The following C6 variants were observed in gnomAD, a reference collection of about 807,000 sequenced individuals.
C6 encodes the protein complement component C6.
In C6, 101 loss-of-function variants were observed where a neutral mutation model predicts 112.9. The observed-to-expected ratio is 0.89, with a 90% CI of 0.76 to 1.06. The LOEUF is 1.06. Among genes scored for constraint, C6 ranks in the 50% least tolerant of loss-of-function variants. The pLI, the probability that C6 is intolerant of heterozygous loss-of-function variation, is 0.00. For synonymous variants in C6, 431 were observed against 384.1 expected (o/e 1.12, Z -1.43); for missense variants, 1,202 against 1,104.6 (o/e 1.09, Z -1.25).
chr5:41,151,558 T>C (rs1408873302), intron 15 of C6, among the ~76,000 whole-genome samples: 1 of 152,246 alleles, frequency 6.6e-6, no homozygotes, highest in Non-Finnish European at 1.5e-5. Flanking sequence ...TATTCATGTC[T>C]AAATCTCAGT....
upstream of C6, among the ~76,000 whole-genome samples, chr5:41,214,431 A>G (rs1321708640): frequency 6.6e-6 from 1 of 152,132 alleles, no homozygotes; most frequent in Non-Finnish European, 1.5e-5. Flanking sequence ...AGTTTAATAT[A>G]CATGGTAGTA....
At chr5:41,198,274 G>C (rs1750755721) in intron 4 of C6, among the ~76,000 whole-genome samples, 2 of 152,140 alleles carry the variant, frequency 1.3e-5, no homozygotes, top group Admixed American at 6.6e-5. Context: ...GTATCATCTT[G>C]AGTCAGAAAA....
chr5:41,143,441 CCTTT>C (rs1475750554), intron 17 of C6, among the ~76,000 whole-genome samples: 1 of 152,184 alleles, frequency 6.6e-6, no homozygotes, highest in African/African-American at 2.4e-5. Flanking sequence ...TTCAGCCTGT[CCTTT>C]CTGTTTTATT....
intron 5 of C6, among the ~76,000 whole-genome samples, chr5:41,190,841 C>T (rs1448615237): frequency 6.6e-6 from 1 of 152,010 alleles, no homozygotes; most frequent in South Asian, 2.1e-4. Flanking sequence ...TTTTCCAGCA[C>T]CATTAATTAA....
At chr5:41,153,012 T>C (rs183192847) in intron 15 of C6, 31 of 152,410 alleles carry the variant, frequency 2.0e-4, no homozygotes, top group African/African-American at 7.5e-4. Flanking sequence ...GAGGATCCTC[T>C]GAAGGGCTAA....
Position 41,181,465 on chromosome 5 carries a change from T to A in C6, c.821A>T (p.Gln274Leu), listed in dbSNP as rs199795699. 1 of 1,612,820 alleles carries A rather than the reference T, an allele frequency of 6.2e-7. No homozygotes were observed. Among genetic ancestry groups the A allele is most frequent in the South Asian group, 1.1e-5 (1 of 91,038 alleles). Residue 274 changes from glutamine to leucine, a missense_variant, in exon 7 of 18, where the codon CAG becomes CTG. By Grantham distance (113) the Gln-to-Leu change is moderately radical. Transcript: ENST00000337836. Reference sequence around the variant, plus strand: ...TGGTACACTGAAAGAGCTCCCCCCCTGACTTGAGAATGAGCCTTGTTGATT... The same window carrying A: ...TGGTACACTGAAAGAGCTCCCCCCCAGACTTGAGAATGAGCCTTGTTGATT... ...NENQQGSFSS[Q>L]GGSSFSVPIF...
chr5:41,200,870 TTTGTTG>T lies in C6; in HGVS notation c.300+682_300+687del, dbSNP rs199637102. Among the ~76,000 whole-genome samples the T allele has an allele frequency of 7.0e-3, 909 of 129,758 alleles. 20 individuals carry two copies. Among genetic ancestry groups the T allele is most frequent in the African/African-American group, 0.028 (877 of 31,046 alleles). The allele number at this position is 129,758 out of a possible 152,430, so 85.1% of individuals were successfully genotyped here. ...TAAAATCTTGGACTGAAACCCTGTTTTTGTTGTTGTTGTTGTTGTTGTTTTTTTTTT... is the reference window on the plus strand; with the variant it reads ...TAAAATCTTGGACTGAAACCCTGTTTTTGTTGTTGTTGTTGTTTTTTTTTT... On this transcript the variant is annotated intron_variant, in intron 3 of 17. Transcript: ENST00000337836.
chr5:41,149,849 T>C lies in C6; in HGVS notation c.2381+86A>G, dbSNP rs933988681. ...AAATTCATTTATTTCATGTCTGTGC[T>C]TCAAAAAGCTCAGCTCTTCCATCAA... On this transcript the variant is annotated intron_variant, in intron 16 of 17. Transcript: ENST00000337836. The C allele has an allele frequency of 9.0e-6, 8 of 892,592 alleles. No homozygotes were observed. The African/African-American group carries it at 1.3e-4, about 15-fold the overall frequency. The allele number at this position is 892,592 out of a possible 1,614,324, so 55.3% of individuals were successfully genotyped here.
Position 41,160,275 on chromosome 5 carries a change from C to A in C6, c.1551G>T (p.Lys517Asn). 2 of 1,613,902 alleles carry A rather than the reference C, an allele frequency of 1.2e-6. No homozygotes were observed. The highest frequency in any genetic ancestry group is 1.7e-6 in the Non-Finnish European group (2 of 1,179,850). Residue 517 changes from lysine (K) to asparagine (N), a missense_variant, in exon 11 of 18, where the codon AAG (lysine) becomes AAT (asparagine). Coordinates refer to ENST00000337836, the MANE Select transcript of C6 (RefSeq NM_000065.5). ...ATGGAGCACACTGGCAAGGATCGAA[C>A]TTGGCTGCATACTCTTGCAAAGCTT... ...LRKALQEYAA[K>N]FDPCQCAPCP... is the part of the protein sequence containing the mutation.
At chr5:41,158,398 C>G (rs1436476491) in intron 13 of C6, among the ~76,000 whole-genome samples, 1 of 152,152 alleles carries the variant, frequency 6.6e-6, no homozygotes, top group Non-Finnish European at 1.5e-5. Flanking sequence ...CTTGCAAATT[C>G]TCACAAGTCA....
chr5:41,166,514 C>A (rs576714979), intron 9 of C6, among the ~76,000 whole-genome samples: 1 of 152,160 alleles, frequency 6.6e-6, no homozygotes, highest in Non-Finnish European at 1.5e-5. Context: ...GTTAATTACC[C>A]ATTCATTTAT....
intron 10 of C6, among the ~76,000 whole-genome samples, chr5:41,161,419 A>C (rs3805717): frequency 0.86 from 131,501 of 152,132 alleles, 56,945 homozygotes; most frequent in Admixed American, 0.9. Context: ...CTACTCAAGG[A>C]AAGTTTGAGC....
At chr5:41,216,871 C>T (rs1481786881), upstream of C6, among the ~76,000 whole-genome samples, 2 of 152,238 alleles carry the variant, frequency 1.3e-5, no homozygotes, top group East Asian at 3.9e-4. Flanking sequence ...TTCAAAATCT[C>T]AGTGTTATTC....
At chr5:41,233,639 T>G (rs76348831) in intron 1 of C6, among the ~76,000 whole-genome samples, 3 of 152,030 alleles carry the variant, frequency 2.0e-5, no homozygotes, top group African/African-American at 7.2e-5. Context: ...CATTTGTAGA[T>G]TTGTAATAAG....
intron 5 of C6, among the ~76,000 whole-genome samples, chr5:41,193,795 ATTTT>A (rs11460725): frequency 2.2e-5 from 3 of 137,394 alleles, no homozygotes; most frequent in Admixed American, 7.3e-5. Context: ...TCAGGAAGCT[ATTTT>A]TTTTTTTTTT....
chr5:41,213,779 A>T (rs1012158027), upstream of C6, among the ~76,000 whole-genome samples: 6 of 152,172 alleles, frequency 3.9e-5, no homozygotes, highest in Admixed American at 3.9e-4. Context: ...AGGAATGTAT[A>T]GATTCTTAGT....
intron 9 of C6, among the ~76,000 whole-genome samples, chr5:41,166,641 G>A (rs1035473819): frequency 2.6e-5 from 4 of 152,094 alleles, no homozygotes; most frequent in Non-Finnish European, 5.9e-5. Flanking sequence ...TTTGCATACT[G>A]TGGAGGAAAT....
intron 7 of C6, among the ~76,000 whole-genome samples, chr5:41,177,392 G>T (rs894319836): frequency 1.3e-5 from 2 of 151,838 alleles, no homozygotes; most frequent in Non-Finnish European, 2.9e-5. Flanking sequence ...TTTATGTCAG[G>T]TTAATTGAGA....
At chr5:41,178,731 C>T (rs1006620129) in intron 7 of C6, among the ~76,000 whole-genome samples, 1 of 152,114 alleles carries the variant, frequency 6.6e-6, no homozygotes, top group African/African-American at 2.4e-5. Context: ...CTACCTCAGT[C>T]CTCCAAAGTT....
Sources: gnomAD v4.1 joint callset for allele counts (sites outside exome capture counted in the v4.1 genomes callset) on GRCh38, gnomAD v4.1.1 for gene constraint, MANE v1.5 for transcripts, NCBI Gene and HGNC (gene_info 2026-07-23, HGNC 2026-07-21) for gene names.